The following RUNDC3B variants were observed in gnomAD, a reference collection of about 807,000 sequenced individuals.
RUNDC3B encodes RUN domain-containing protein 3B.
A neutral mutation model predicts 58.4 loss-of-function variants in RUNDC3B; 33 were observed. That is an observed-to-expected ratio of 0.56 (90% CI 0.43 to 0.75). The LOEUF is 0.75. Ranked by LOEUF, RUNDC3B falls within the 30% of genes least tolerant of loss-of-function variation. RUNDC3B has a pLI of 0.00. For missense variants in RUNDC3B, 501 were observed against 535.7 expected (o/e 0.94, Z 0.64); for synonymous variants, 193 against 195.2 (o/e 0.99, Z 0.10).
At chr7:87,713,419 G>C (rs999762002) in intron 4 of RUNDC3B, 4 of 152,076 alleles carry the variant, frequency 2.6e-5, no homozygotes, top group Admixed American at 2.0e-4. Flanking sequence ...GTGGAGGAAG[G>C]GTGGGAGTAG....
chr7:87,816,056 C>T (rs1837011834), intron 9 of RUNDC3B, 85 bp from the exon 10 acceptor site: 1 of 933,906 alleles, frequency 1.1e-6, no homozygotes, highest in Non-Finnish European at 1.6e-6. Flanking sequence ...AGAAATTTAA[C>T]ATATTGAAAA....
intron 6 of RUNDC3B, among the ~76,000 whole-genome samples, chr7:87,743,113 CAAA>C (rs111300265): frequency 1.8e-5 from 2 of 110,914 alleles, no homozygotes; most frequent in Admixed American, 9.6e-5. Flanking sequence ...GATTCCGTCT[CAAA>C]AAAAAAAAAA....
chr7:87,767,474 C>T (rs1834033263), intron 6 of RUNDC3B, among the ~76,000 whole-genome samples: 1 of 152,144 alleles, frequency 6.6e-6, no homozygotes, highest in Non-Finnish European at 1.5e-5. Flanking sequence ...GCTTTTTTTG[C>T]AGTGGCTTTC....
At chr7:87,765,052 A>T (rs1032295389) in intron 6 of RUNDC3B, among the ~76,000 whole-genome samples, 11 of 151,144 alleles carry the variant, frequency 7.3e-5, no homozygotes, top group African/African-American at 2.4e-4. Flanking sequence ...GGTTTCAGAA[A>T]TTTTTTTTCT....
chr7:87,668,912 G>C (rs1200729234), intron 2 of RUNDC3B, among the ~76,000 whole-genome samples: 4 of 152,142 alleles, frequency 2.6e-5, no homozygotes, highest in African/African-American at 7.2e-5. Context: ...GTCAGTTTTA[G>C]AGTATGTGCC....
intron 7 of RUNDC3B, among the ~76,000 whole-genome samples, chr7:87,773,126 A>C (rs1834375185): frequency 6.6e-6 from 1 of 152,112 alleles, no homozygotes; most frequent in Admixed American, 6.5e-5. Context: ...GTTGGAGACC[A>C]TCCTGGATAA....
intron 4 of RUNDC3B, among the ~76,000 whole-genome samples, chr7:87,717,405 AAC>A (rs1830616555): frequency 2.6e-5 from 4 of 152,262 alleles, no homozygotes; most frequent in Admixed American, 2.0e-4. Flanking sequence ...TAAATTGAGA[AAC>A]ACATAATTAC....
intron 2 of RUNDC3B, among the ~76,000 whole-genome samples, chr7:87,691,121 A>G (rs1056506520): frequency 1.3e-5 from 2 of 152,166 alleles, no homozygotes; most frequent in Non-Finnish European, 2.9e-5. Flanking sequence ...TATCATATTC[A>G]TGAATTAGAA....
At chr7:87,755,030 T>TC (rs1833286339) in intron 6 of RUNDC3B, among the ~76,000 whole-genome samples, 1 of 150,932 alleles carries the variant, frequency 6.6e-6, no homozygotes. Context: ...ACAATTTCTT[T>TC]TTTTTTTTTT....
intron 1 of RUNDC3B, among the ~76,000 whole-genome samples, chr7:87,638,409 T>G (rs1234552844): frequency 6.6e-6 from 1 of 151,800 alleles, no homozygotes; most frequent in Non-Finnish European, 1.5e-5. Context: ...GAAAAGTTTG[T>G]GTAAGACTGA....
At position 87,832,198 on chromosome 7, in the gene RUNDC3B, CA is replaced by C. The variant is rs1402449295; in HGVS notation, c.*2172del. 1 of 151,876 alleles carries C rather than the reference CA, an allele frequency of 6.6e-6. No homozygotes were observed. The highest frequency in any genetic ancestry group is 1.5e-5 in the Non-Finnish European group (1 of 67,886). 9.4% of individuals were successfully genotyped at this position (151,876 alleles called of 1,614,324 possible). On this transcript the variant is annotated 3_prime_UTR_variant, in exon 11 of 11. Transcript: ENST00000394654. ...TATTGTTCACCCTCCCTCTTGCCTC[CA>C]AAAGAATGCTGAATTATACGCCAAT...
chr7:87,744,502 T>C (rs954613794), intron 6 of RUNDC3B, among the ~76,000 whole-genome samples: 3 of 152,220 alleles, frequency 2.0e-5, no homozygotes, highest in Non-Finnish European at 2.9e-5. Flanking sequence ...CAGTGTTTTG[T>C]AGTTTTCCTT....
chr7:87,705,360 A>G (rs1777915189), intron 3 of RUNDC3B, among the ~76,000 whole-genome samples: 1 of 152,190 alleles, frequency 6.6e-6, no homozygotes, highest in Non-Finnish European at 1.5e-5. Flanking sequence ...CAGGAGGCAG[A>G]GGTTGCAGTG....
intron 2 of RUNDC3B, among the ~76,000 whole-genome samples, chr7:87,663,960 C>T (rs1224810794): frequency 2.6e-5 from 4 of 152,072 alleles, no homozygotes; most frequent in African/African-American, 4.8e-5. Flanking sequence ...CTCATTTCAC[C>T]TTAATTAACT....
intron 10 of RUNDC3B, among the ~76,000 whole-genome samples, chr7:87,823,571 C>T (rs988905256): frequency 6.6e-6 from 1 of 151,936 alleles, no homozygotes; most frequent in Non-Finnish European, 1.5e-5. Context: ...ACATCCCCTT[C>T]CCACCCCTTT....
intron 2 of RUNDC3B, among the ~76,000 whole-genome samples, chr7:87,665,277 AC>A (rs1825112661): frequency 6.6e-6 from 1 of 152,170 alleles, no homozygotes; most frequent in Admixed American, 6.6e-5. Context: ...AAAATAAGTT[AC>A]ATTTTTATAT....
chr7:87,705,559 G>T (rs1173839288), intron 3 of RUNDC3B, among the ~76,000 whole-genome samples: 1 of 152,146 alleles, frequency 6.6e-6, no homozygotes, highest in East Asian at 1.9e-4. Flanking sequence ...TTGAGTTGAG[G>T]ATCATGTTTG....
At chr7:87,824,848 A>T (rs184411378) in intron 10 of RUNDC3B, among the ~76,000 whole-genome samples, 1 of 152,248 alleles carries the variant, frequency 6.6e-6, no homozygotes, top group East Asian at 1.9e-4. Flanking sequence ...TGCCATAGAG[A>T]CTTGTGGAAC....
intron 2 of RUNDC3B, among the ~76,000 whole-genome samples, chr7:87,657,962 A>T (rs1433113385): frequency 6.6e-6 from 1 of 152,188 alleles, no homozygotes; most frequent in Non-Finnish European, 1.5e-5. Flanking sequence ...TTTAAATAAG[A>T]TCCAGAGTTT....
Sources: gnomAD v4.1 joint callset for allele counts (sites outside exome capture counted in the v4.1 genomes callset) on GRCh38, gnomAD v4.1.1 for gene constraint, MANE v1.5 for transcripts, NCBI Gene and HGNC (gene_info 2026-07-23, HGNC 2026-07-21) for gene names.